Variants in COP1 observed in about 807,000 individuals in gnomAD.
COP1 encodes E3 ubiquitin-protein ligase COP1.
In COP1, 24 loss-of-function variants were observed where a neutral mutation model predicts 101.3. The ratio of observed to expected loss-of-function variants is 0.24; its 90% CI spans 0.17 to 0.33. The LOEUF is 0.33. Among genes scored for constraint, COP1 ranks in the 10% least tolerant of loss-of-function variants. COP1 has a pLI of 1.00. For missense variants in COP1, 663 were observed against 906.2 expected, an observed-to-expected ratio of 0.73 and a Z score of 3.45; for synonymous variants, 347 against 341.9, an observed-to-expected ratio of 1.01 and a Z score of -0.17.
intron 3 of COP1, among the ~76,000 whole-genome samples, chr1:176,173,604 C>T (rs1364704130): frequency 1.3e-5 from 2 of 150,788 alleles, no homozygotes; most frequent in East Asian, 2.0e-4. Flanking sequence ...CGCACTACTG[C>T]ACTCCAGCGG....
At chr1:176,105,212 A>T in intron 9 of COP1, among the ~76,000 whole-genome samples, 1 of 152,126 alleles carries the variant, frequency 6.6e-6, no homozygotes, top group East Asian at 1.9e-4. Flanking sequence ...ATTGATTATA[A>T]CTTTTTATAC....
chr1:176,142,060 A>C (rs552819658), intron 6 of COP1, among the ~76,000 whole-genome samples: 1 of 152,158 alleles, frequency 6.6e-6, no homozygotes, highest in Non-Finnish European at 1.5e-5. Context: ...AGAAGAAAAC[A>C]GAAAAAGCAA....
At chr1:176,019,549 C>CAA (rs1237604886) in intron 15 of COP1, among the ~76,000 whole-genome samples, 1 of 141,178 alleles carries the variant, frequency 7.1e-6, no homozygotes, top group African/African-American at 2.6e-5. Context: ...CAAATCATAA[C>CAA]AAAAAAAAAA....
intron 15 of COP1, among the ~76,000 whole-genome samples, chr1:176,002,318 C>T (rs1661840587): frequency 6.6e-6 from 1 of 151,848 alleles, no homozygotes; most frequent in Non-Finnish European, 1.5e-5. Flanking sequence ...GACCTATCTC[C>T]AAGTTTACTG....
intron 2 of COP1, among the ~76,000 whole-genome samples, chr1:176,183,218 C>A (rs2774925): frequency 0.94 from 143,043 of 152,260 alleles, 67,638 homozygotes; most frequent in East Asian, 1. Context: ...GTTAATACCC[C>A]ATACTCTTCA....
chr1:176,002,369 T>C (rs1661864793), intron 15 of COP1, among the ~76,000 whole-genome samples: 1 of 152,116 alleles, frequency 6.6e-6, no homozygotes, highest in South Asian at 2.1e-4. Flanking sequence ...TTTATTTTTA[T>C]TATACTTTAA....
chr1:176,067,657 G>A (rs1419639374), intron 11 of COP1, among the ~76,000 whole-genome samples: 1 of 152,086 alleles, frequency 6.6e-6, no homozygotes, highest in Non-Finnish European at 1.5e-5. Context: ...ACAAAAGCTT[G>A]CACTCATTCT....
At chr1:176,003,934 C>A (rs1471735606) in intron 15 of COP1, among the ~76,000 whole-genome samples, 2 of 151,984 alleles carry the variant, frequency 1.3e-5, no homozygotes, top group Admixed American at 1.3e-4. Flanking sequence ...CTGTAAATTA[C>A]CCTGGGCAGT....
At chr1:176,095,102 A>C (rs1221017923) in intron 9 of COP1, among the ~76,000 whole-genome samples, 1 of 152,206 alleles carries the variant, frequency 6.6e-6, no homozygotes, top group Non-Finnish European at 1.5e-5. Flanking sequence ...TTCTCAAACT[A>C]ATTTCATAAA....
chr1:176,142,209 T>TA (rs1170661627), intron 6 of COP1, among the ~76,000 whole-genome samples: 2 of 151,602 alleles, frequency 1.3e-5, no homozygotes, highest in African/African-American at 4.9e-5. Context: ...GAGCAACCAC[T>TA]AAAAAATGAT....
intron 18 of COP1, among the ~76,000 whole-genome samples, chr1:175,954,466 G>T (rs1357538102): frequency 6.6e-6 from 1 of 151,916 alleles, no homozygotes; most frequent in African/African-American, 2.4e-5. Flanking sequence ...GTATTGAAAT[G>T]AAAAGTTAAT....
At chr1:176,149,614 A>G (rs1406689857) in intron 5 of COP1, among the ~76,000 whole-genome samples, 1 of 152,144 alleles carries the variant, frequency 6.6e-6, no homozygotes, top group African/African-American at 2.4e-5. Flanking sequence ...TGAAAACAAA[A>G]AAATTTAATA....
Position 176,162,964 on chromosome 1 carries a change from G to T in COP1, c.667C>A (p.Gln223Lys). 1 of 1,605,172 alleles carries T rather than the reference G, an allele frequency of 6.2e-7. No homozygotes were observed. Among genetic ancestry groups the T allele is most frequent in the Non-Finnish European group, 8.5e-7 (1 of 1,176,010 alleles). Reference protein sequence around the residue: ...STNGHRWQIFQDWLGTDQDNL... With the variant: ...STNGHRWQIFKDWLGTDQDNL... The stretch of plus-strand genomic sequence containing the variant: ...TCTTGGTCAGTTCCCAACCAATCTT[G>T]AAATATCTGCCACCTGTGGCCATTC... The change falls in exon 5 of 20, where the codon CAA (glutamine) becomes AAA (lysine). Residue 223 changes from glutamine to lysine, a missense_variant. By Grantham distance (53) the Gln-to-Lys change is moderately conservative. Around this residue, in one of 4 missense-constraint regions of COP1, gnomAD observed 212 missense variants for 240.7 expected, o/e 0.88. Transcript: ENST00000367669.
At chr1:176,172,210 T>C (rs1696179041) in intron 3 of COP1, among the ~76,000 whole-genome samples, 1 of 152,126 alleles carries the variant, frequency 6.6e-6, no homozygotes, top group African/African-American at 2.4e-5. Context: ...CCAACACGCC[T>C]GGCTAATTTT....
Position 176,141,071 on chromosome 1 carries a change from G to C in COP1, c.832-4524C>G, listed in dbSNP as rs150050090. Among the ~76,000 whole-genome samples the C allele has an allele frequency of 1.7e-3, 256 of 152,306 alleles. 1 individual carries two copies. The highest frequency in any genetic ancestry group is 5.9e-3 in the African/African-American group (246 of 41,562). ...TGGTACTCAACTGACTTTCATTAGT[G>C]CCTTGATAAAGATATGCTTAAGCAT... On this transcript the variant is annotated intron_variant, in intron 6 of 19. Transcript: ENST00000367669.
At chr1:176,005,702 C>G (rs1662988214) in intron 15 of COP1, among the ~76,000 whole-genome samples, 1 of 151,918 alleles carries the variant, frequency 6.6e-6, no homozygotes, top group Non-Finnish European at 1.5e-5. Flanking sequence ...TTTGATTGCA[C>G]TGTGGTATGA....
chr1:176,012,440 T>C (rs1221720794), intron 15 of COP1, among the ~76,000 whole-genome samples: 2 of 152,182 alleles, frequency 1.3e-5, no homozygotes, highest in East Asian at 3.8e-4. Context: ...TAAGTGTTAT[T>C]ACAAAAGAGT....
intron 11 of COP1, among the ~76,000 whole-genome samples, chr1:176,074,248 G>T (rs1397587946): frequency 6.6e-6 from 1 of 152,080 alleles, no homozygotes; most frequent in Non-Finnish European, 1.5e-5. Flanking sequence ...CTTTCTGAAA[G>T]AAATTAATTA....
At chr1:176,064,437 T>C (rs1675545822) in intron 11 of COP1, among the ~76,000 whole-genome samples, 2 of 152,196 alleles carry the variant, frequency 1.3e-5, no homozygotes, top group African/African-American at 2.4e-5. Context: ...TCCCTGAGTA[T>C]AATTTGTCAA....
Sources: gnomAD v4.1 joint callset for allele counts (sites outside exome capture counted in the v4.1 genomes callset) on GRCh38, gnomAD v4.1.1 for gene constraint, gnomAD v4.1.1 regional missense constraint, MANE v1.5 for transcripts, NCBI Gene and HGNC (gene_info 2026-07-23, HGNC 2026-07-21) for gene names.